The following EPM2A variants were observed in gnomAD, a reference collection of about 807,000 sequenced individuals.
EPM2A encodes the protein EPM2A glucan phosphatase, laforin.
EPM2A carries 21 observed loss-of-function variants against 26.5 expected under a neutral mutation model. The observed-to-expected ratio is 0.79, with a 90% CI of 0.56 to 1.14. EPM2A has a LOEUF of 1.14. EPM2A is among the 50% of genes most tolerant of loss of function. EPM2A has a pLI of 0.00. For missense variants in EPM2A, 458 were observed against 440.8 expected (o/e 1.04, Z -0.35); for synonymous variants, 217 against 177.6 (o/e 1.22, Z -1.76).
chr6:145,485,650 A>G (rs1048324623), intron 4 of EPM2A, among the ~76,000 whole-genome samples: 9 of 152,206 alleles, frequency 5.9e-5, no homozygotes, highest in African/African-American at 2.2e-4. Context: ...TTAACCTTAA[A>G]GCAAAAAAGG....
chr6:145,568,511 C>T (rs1430546487), intron 2 of EPM2A, among the ~76,000 whole-genome samples: 1 of 151,952 alleles, frequency 6.6e-6, no homozygotes, highest in Non-Finnish European at 1.5e-5. Context: ...TAAGTAGAAA[C>T]GCGGTTTCTC....
intron 2 of EPM2A, among the ~76,000 whole-genome samples, chr6:145,503,112 T>G (rs1346479091): frequency 6.6e-6 from 1 of 152,162 alleles, no homozygotes; most frequent in Non-Finnish European, 1.5e-5. Context: ...CTATTAAAAT[T>G]ATTAAATAAA....
chr6:145,467,478 T>C (rs1345138702), intron 4 of EPM2A, among the ~76,000 whole-genome samples: 1 of 152,178 alleles, frequency 6.6e-6, no homozygotes, highest in Non-Finnish European at 1.5e-5. Context: ...CCTGTTTAAG[T>C]AGGGTAGGTT....
At chr6:145,667,913 A>G (rs934776091) in intron 2 of EPM2A, among the ~76,000 whole-genome samples, 2 of 150,778 alleles carry the variant, frequency 1.3e-5, no homozygotes, top group East Asian at 3.9e-4. Flanking sequence ...CTATCGCAAG[A>G]ACAAAAAACC....
In EPM2A at chr6:145,420,484, T is replaced by G. The variant is rs556797339; in HGVS notation, c.556-36387A>C. 1.3e-3 allele frequency among the ~76,000 whole-genome samples: 205 copies of G among 152,304 alleles called. 1 individual carries two copies. Among genetic ancestry groups the G allele is most frequent in the African/African-American group, 4.5e-3 (189 of 41,582 alleles). On this transcript the variant is annotated intron_variant, in intron 4 of 4. Transcript: ENST00000638717. Reference sequence around the variant, plus strand: ...TTTGTATACCTTTTATAAGTTCTTTTTATAACAGATAAAAAACATTTGTTC... The same window carrying G: ...TTTGTATACCTTTTATAAGTTCTTTGTATAACAGATAAAAAACATTTGTTC...
intron 4 of EPM2A, among the ~76,000 whole-genome samples, chr6:145,481,591 C>T (rs1458053570): frequency 2.0e-5 from 3 of 152,050 alleles, no homozygotes; most frequent in Admixed American, 2.0e-4. Flanking sequence ...GTCAGGTCTT[C>T]AGATAACTGC....
intron 4 of EPM2A, among the ~76,000 whole-genome samples, chr6:145,422,398 T>A (rs1168465120): frequency 6.6e-6 from 1 of 150,708 alleles, no homozygotes; most frequent in Non-Finnish European, 1.5e-5. Context: ...GATACACTAT[T>A]TTTTCTTTAT....
intron 1 of EPM2A, among the ~76,000 whole-genome samples, chr6:145,697,757 G>A (rs1364054896): frequency 6.6e-6 from 1 of 152,178 alleles, no homozygotes; most frequent in Non-Finnish European, 1.5e-5. Flanking sequence ...CTCACTGGCG[G>A]TCAGAGTTTA....
chr6:145,660,113 C>T (rs1778578086), intron 2 of EPM2A, among the ~76,000 whole-genome samples: 1 of 152,110 alleles, frequency 6.6e-6, no homozygotes, highest in African/African-American at 2.4e-5. Context: ...CATAGTAATA[C>T]ATATTTTATT....
At chr6:145,640,077 A>G (rs1180429560) in intron 2 of EPM2A, 1 of 152,200 alleles carries the variant, frequency 6.6e-6, no homozygotes, top group Non-Finnish European at 1.5e-5. Context: ...ATATCATAAT[A>G]CTACAGTATT....
chr6:145,705,977 C>A (rs1203003297), intron 1 of EPM2A: 1 of 455,840 alleles, frequency 2.2e-6, no homozygotes, highest in Non-Finnish European at 4.4e-6. Context: ...GGAATTCAAG[C>A]AATTTATTTA....
downstream of EPM2A, among the ~76,000 whole-genome samples, chr6:145,624,083 T>C (rs116079680): frequency 2.8e-3 from 422 of 152,312 alleles, 6 homozygotes; most frequent in African/African-American, 9.7e-3. Flanking sequence ...CATCAATCCT[T>C]TCCCCTTTAT....
intron 4 of EPM2A, among the ~76,000 whole-genome samples, chr6:145,465,706 A>G (rs1244458376): frequency 6.6e-6 from 1 of 152,024 alleles, no homozygotes; most frequent in East Asian, 1.9e-4. Flanking sequence ...CCTCAGCTGC[A>G]GGTCTGTTGG....
At chr6:145,621,487 T>C (rs764997901), downstream of EPM2A, among the ~76,000 whole-genome samples, 2 of 152,232 alleles carry the variant, frequency 1.3e-5, no homozygotes, top group African/African-American at 2.4e-5. Flanking sequence ...ATGGAAGTTA[T>C]AGGTTTAATT....
chr6:145,683,268 G>GGGGTGTGTGTGTGT (rs955430424), intron 2 of EPM2A, among the ~76,000 whole-genome samples: 2 of 134,010 alleles, frequency 1.5e-5, no homozygotes, highest in Non-Finnish European at 3.2e-5. Flanking sequence ...CCCAGGATTT[G>GGGGTGTGTGTGTGT]GTGTGTGTGT....
At chr6:145,438,652 T>C (rs1225034071) in intron 4 of EPM2A, among the ~76,000 whole-genome samples, 1 of 151,958 alleles carries the variant, frequency 6.6e-6, no homozygotes, top group Non-Finnish European at 1.5e-5. Flanking sequence ...TTTTGTATTT[T>C]TAGTAGAGAC....
At chr6:145,672,641 C>T (rs564440462) in intron 2 of EPM2A, among the ~76,000 whole-genome samples, 108 of 152,324 alleles carry the variant, frequency 7.1e-4, no homozygotes, top group African/African-American at 2.5e-3. Flanking sequence ...TAGCAAAAGA[C>T]GAGGTTTATT....
At chr6:145,613,861 C>T (rs959685511) in intron 2 of EPM2A, among the ~76,000 whole-genome samples, 1 of 152,094 alleles carries the variant, frequency 6.6e-6, no homozygotes, top group African/African-American at 2.4e-5. Context: ...TTCTTAAGGA[C>T]CTTAGGGTCT....
At chr6:145,516,896 T>A (rs1488372973) in intron 2 of EPM2A, among the ~76,000 whole-genome samples, 1 of 152,204 alleles carries the variant, frequency 6.6e-6, no homozygotes, top group Non-Finnish European at 1.5e-5. Flanking sequence ...ATCTGCACTT[T>A]CATGTTCATT....
Sources: gnomAD v4.1 joint callset for allele counts (sites outside exome capture counted in the v4.1 genomes callset) on GRCh38, gnomAD v4.1.1 for gene constraint, MANE v1.5 for transcripts, NCBI Gene and HGNC (gene_info 2026-07-23, HGNC 2026-07-21) for gene names.